PLCB1: variants seen among roughly 807,000 people sequenced by gnomAD.
The protein encoded by PLCB1 is phospholipase C beta 1.
Under a neutral mutation model 161.8 loss-of-function variants are expected in PLCB1, and 46 were observed. The ratio of observed to expected loss-of-function variants is 0.28; its 90% CI spans 0.22 to 0.36. The LOEUF (loss-of-function observed/expected upper bound fraction) is 0.36, where lower values mean the gene tolerates loss of function less well. PLCB1 is among the 10% of genes least tolerant of loss of function. PLCB1 has a pLI of 1.00. For synonymous variants in PLCB1, 517 were observed against 503.7 expected (o/e 1.03, Z -0.35); for missense variants, 1,016 against 1,472.5 (o/e 0.69, Z 5.07).
chr20:8,807,652 G>A (rs895390763), intron 31 of PLCB1, among the ~76,000 whole-genome samples: 9 of 151,372 alleles, frequency 5.9e-5, no homozygotes, highest in African/African-American at 2.2e-4. Context: ...AAACACAGAT[G>A]CACCCTTTTC....
rs186120214 is a variant in PLCB1 at position 8,169,591 on chromosome 20, A to G, written c.177+19220A>G. On this transcript the variant is annotated intron_variant, in intron 2 of 31. Transcript: ENST00000338037. The stretch of plus-strand genomic sequence containing the variant: ...CATATTCTGAGTCTTTTTGCACCCA[A>G]TTGGTTGAAACATCAGGGCCCCCAA... 5.1e-4 allele frequency among the ~76,000 whole-genome samples: 77 copies of G among 152,178 alleles called. 1 individual carries two copies. Among genetic ancestry groups the G allele is most frequent in the East Asian group, 3.5e-3 (18 of 5,162 alleles).
At chr20:8,673,196 A>G (rs1989993678) in intron 9 of PLCB1, among the ~76,000 whole-genome samples, 1 of 152,306 alleles carries the variant, frequency 6.6e-6, no homozygotes, top group South Asian at 2.1e-4. Flanking sequence ...GAGCCTATTA[A>G]ATTATTTCAG....
intron 9 of PLCB1, among the ~76,000 whole-genome samples, chr20:8,681,086 G>GTGTGTGTATATATATATATATA (rs1394518085): frequency 2.7e-5 from 2 of 73,842 alleles, no homozygotes; most frequent in Non-Finnish European, 5.2e-5. Context: ...ATGTGTGTGT[G>GTGTGTGTATATATATATATATA]TATATATATA....
intron 31 of PLCB1, among the ~76,000 whole-genome samples, chr20:8,835,117 A>T (rs1436654962): frequency 6.6e-6 from 1 of 152,158 alleles, no homozygotes; most frequent in Non-Finnish European, 1.5e-5. Context: ...CATAAAATTA[A>T]CCATAACAGG....
chr20:8,829,393 G>C (rs976145597), intron 31 of PLCB1, among the ~76,000 whole-genome samples: 6 of 152,186 alleles, frequency 3.9e-5, no homozygotes, highest in Admixed American at 1.3e-4. Context: ...TTGACCAGTA[G>C]GGGATAATTC....
At chr20:8,248,762 G>A (rs889277784) in intron 2 of PLCB1, 5 of 151,984 alleles carry the variant, frequency 3.3e-5, no homozygotes, top group African/African-American at 7.2e-5. Context: ...TTAATCTTTT[G>A]CCAGAAGATT....
chr20:8,453,685 G>A (rs1043312979), intron 3 of PLCB1, among the ~76,000 whole-genome samples: 1 of 152,290 alleles, frequency 6.6e-6, no homozygotes, highest in Admixed American at 6.5e-5. Flanking sequence ...GGAACAGAGT[G>A]AGAGTAGTGA....
intron 3 of PLCB1, among the ~76,000 whole-genome samples, chr20:8,543,590 C>T (rs865906237): frequency 1.1e-4 from 16 of 140,428 alleles, no homozygotes; most frequent in Non-Finnish European, 1.2e-4. Context: ...GAATGCATTT[C>T]GTTATTTGTA....
intron 3 of PLCB1, among the ~76,000 whole-genome samples, chr20:8,523,650 A>G (rs1422213375): frequency 6.6e-6 from 1 of 151,136 alleles, no homozygotes; most frequent in East Asian, 1.9e-4. Flanking sequence ...AGTTGGCCAC[A>G]GATATGGTGT....
intron 2 of PLCB1, among the ~76,000 whole-genome samples, chr20:8,194,724 A>G (rs1259164018): frequency 6.6e-6 from 1 of 152,104 alleles, no homozygotes; most frequent in Non-Finnish European, 1.5e-5. Context: ...TGTGACTATA[A>G]TAAATAAACT....
intron 2 of PLCB1, among the ~76,000 whole-genome samples, chr20:8,234,651 A>G (rs1208953280): frequency 1.3e-5 from 2 of 152,116 alleles, no homozygotes; most frequent in Non-Finnish European, 2.9e-5. Flanking sequence ...TGAACATGAA[A>G]TTCTGTGTTT....
intron 2 of PLCB1, among the ~76,000 whole-genome samples, chr20:8,185,070 C>T (rs1042972087): frequency 2.0e-5 from 3 of 151,928 alleles, no homozygotes; most frequent in African/African-American, 7.3e-5. Context: ...TGTAAGTTTG[C>T]TGAGAATGAT....
intron 2 of PLCB1, among the ~76,000 whole-genome samples, chr20:8,274,516 A>T (rs1205181058): frequency 1.3e-5 from 2 of 151,754 alleles, no homozygotes; most frequent in Non-Finnish European, 2.9e-5. Context: ...TAAAACATTC[A>T]TGGTGACTTG....
In PLCB1 at chr20:8,733,242, G is replaced by C; in HGVS notation, c.1893G>C (p.Leu631=). The change falls in exon 19 of 32, where the codon CTG becomes CTC. Residue 631 remains leucine, a synonymous_variant. Coordinates refer to ENST00000338037, the MANE Select transcript of PLCB1 (RefSeq NM_015192.4). ...MVALNFQTMD[L]AMQINMGMYE... The stretch of plus-strand genomic sequence containing the variant: ...GCTTGTGTTTTTGATACTCAGACCT[G>C]GCTATGCAAATAAATATGGGGATGT... 1 of 1,613,714 alleles carries C rather than the reference G, an allele frequency of 6.2e-7. No homozygotes were observed.
chr20:8,495,690 C>T (rs112893552), intron 3 of PLCB1, among the ~76,000 whole-genome samples: 2,142 of 152,134 alleles, frequency 0.014, 60 homozygotes, highest in African/African-American at 0.049. Context: ...AGCCACCGCG[C>T]CTGGCCGATT....
intron 3 of PLCB1, among the ~76,000 whole-genome samples, chr20:8,536,439 G>A (rs2122936168): frequency 6.6e-6 from 1 of 152,246 alleles, no homozygotes; most frequent in African/African-American, 2.4e-5. Flanking sequence ...TACTAAGAGA[G>A]CATGTGTTCT....
At chr20:8,549,914 C>G (rs1052010256) in intron 3 of PLCB1, among the ~76,000 whole-genome samples, 4 of 152,188 alleles carry the variant, frequency 2.6e-5, no homozygotes, top group African/African-American at 9.7e-5. Flanking sequence ...ACCTTTGGCA[C>G]TCATTCTTTC....
At chr20:8,511,861 T>A (rs183329615) in intron 3 of PLCB1, among the ~76,000 whole-genome samples, 2,245 of 152,286 alleles carry the variant, frequency 0.015, 27 homozygotes, top group African/African-American at 0.02. Context: ...CCCATTTTTT[T>A]AAAAAATTCG....
chr20:8,218,946 T>C (rs1338646636), intron 2 of PLCB1, among the ~76,000 whole-genome samples: 1 of 152,190 alleles, frequency 6.6e-6, no homozygotes, highest in Non-Finnish European at 1.5e-5. Flanking sequence ...ATTAGAAGTT[T>C]CAGAGTTTTA....
Sources: allele counts gnomAD v4.1 joint callset (sites outside exome capture counted in the v4.1 genomes callset), GRCh38; gene constraint gnomAD v4.1.1; transcripts MANE v1.5; gene names NCBI Gene and HGNC (gene_info 2026-07-23, HGNC 2026-07-21).